The following RALYL variants were observed in gnomAD, a reference collection of about 807,000 sequenced individuals.
The protein encoded by RALYL is RALY RNA binding protein like, also known as RNA-binding Raly-like protein.
RALYL carries 29 observed loss-of-function variants against 35.1 expected under a neutral mutation model. That is an observed-to-expected ratio of 0.83 (90% CI 0.61 to 1.13). The LOEUF is 1.13. RALYL is among the 50% of genes most tolerant of loss of function. The pLI is 0.00. For missense variants in RALYL, 359 were observed against 360.4 expected (o/e 1.00, Z 0.03); for synonymous variants, 120 against 127.6 (o/e 0.94, Z 0.40).
intron 1 of RALYL, among the ~76,000 whole-genome samples, chr8:84,236,772 C>T (rs1423324037): frequency 1.3e-5 from 2 of 151,856 alleles, no homozygotes; most frequent in East Asian, 1.9e-4. Flanking sequence ...TGAAGTGACA[C>T]CTAATAAAAA....
chr8:84,223,802 T>A (rs1361860606), intron 1 of RALYL, among the ~76,000 whole-genome samples: 4 of 152,166 alleles, frequency 2.6e-5, no homozygotes, highest in African/African-American at 9.7e-5. Context: ...TATTTCTGAA[T>A]GAGTAAATGA....
At chr8:84,593,630 G>C (rs1377155466) in intron 2 of RALYL, among the ~76,000 whole-genome samples, 3 of 152,002 alleles carry the variant, frequency 2.0e-5, no homozygotes, top group Non-Finnish European at 4.4e-5. Flanking sequence ...GGCATTTGTG[G>C]TTTTAAGAGT....
chr8:84,574,455 C>T (rs1180410897), intron 2 of RALYL, among the ~76,000 whole-genome samples: 1 of 152,042 alleles, frequency 6.6e-6, no homozygotes, highest in East Asian at 1.9e-4. Context: ...TCCCTTTTCT[C>T]CAGCACTTTG....
chr8:84,908,397 C>T (rs73261921), intron 8 of RALYL, among the ~76,000 whole-genome samples: 50 of 152,216 alleles, frequency 3.3e-4, no homozygotes, highest in South Asian at 6.2e-4. Context: ...CACCATTCTA[C>T]TCTCTGCTTC....
At chr8:84,567,568 GTATA>G (rs2061871138) in intron 2 of RALYL, among the ~76,000 whole-genome samples, 2 of 151,654 alleles carry the variant, frequency 1.3e-5, no homozygotes, top group Non-Finnish European at 2.9e-5. Flanking sequence ...TCCTTGGTGT[GTATA>G]TATACCACAT....
At chr8:84,211,052 C>T (rs1819380274) in intron 1 of RALYL, among the ~76,000 whole-genome samples, 1 of 152,116 alleles carries the variant, frequency 6.6e-6, no homozygotes, top group Admixed American at 6.6e-5. Flanking sequence ...TGAATACCAA[C>T]TGTGTGCAGA....
chr8:84,793,041 T>A (rs571878513), intron 3 of RALYL, among the ~76,000 whole-genome samples: 112 of 152,296 alleles, frequency 7.4e-4, no homozygotes, highest in Middle Eastern at 3.4e-3. Flanking sequence ...TGGGAAAGAC[T>A]GACAGAAGTT....
chr8:84,603,057 T>C (rs1816314742), intron 2 of RALYL, among the ~76,000 whole-genome samples: 1 of 152,072 alleles, frequency 6.6e-6, no homozygotes, highest in African/African-American at 2.4e-5. Flanking sequence ...ATATTACCAC[T>C]GAACTGTACA....
At chr8:84,263,826 CATT>C (rs2131842710) in intron 1 of RALYL, among the ~76,000 whole-genome samples, 1 of 152,264 alleles carries the variant, frequency 6.6e-6, no homozygotes, top group East Asian at 1.9e-4. Context: ...CATGTGATCT[CATT>C]GTTCATCTCC....
At chr8:84,533,904 T>C (rs1201128221) in intron 2 of RALYL, among the ~76,000 whole-genome samples, 1 of 152,236 alleles carries the variant, frequency 6.6e-6, no homozygotes, top group Non-Finnish European at 1.5e-5. Flanking sequence ...CAAATGCTTG[T>C]AACAATTCCC....
At chr8:84,800,796 CT>C (rs909613674) in intron 3 of RALYL, among the ~76,000 whole-genome samples, 1 of 152,060 alleles carries the variant, frequency 6.6e-6, no homozygotes, top group Non-Finnish European at 1.5e-5. Flanking sequence ...CAGTTTCCTT[CT>C]TTTACTTTTT....
intron 1 of RALYL, among the ~76,000 whole-genome samples, chr8:84,427,889 C>G (rs1217044547): frequency 6.6e-6 from 1 of 152,190 alleles, no homozygotes; most frequent in Non-Finnish European, 1.5e-5. Context: ...ATACAGGTCA[C>G]TGCTTTCATC....
intron 1 of RALYL, among the ~76,000 whole-genome samples, chr8:84,255,126 C>A (rs1830974487): frequency 6.6e-6 from 1 of 152,004 alleles, no homozygotes; most frequent in African/African-American, 2.4e-5. Context: ...TGTGCTTAAA[C>A]TGAAAGTCTT....
intron 2 of RALYL, among the ~76,000 whole-genome samples, chr8:84,670,505 AC>A (rs1832997432): frequency 6.6e-6 from 1 of 152,230 alleles, no homozygotes; most frequent in Admixed American, 6.5e-5. Context: ...ATGAAGAAAT[AC>A]CCAAGGCTGT....
intron 1 of RALYL, among the ~76,000 whole-genome samples, chr8:84,480,992 G>A (rs2053982242): frequency 6.6e-6 from 1 of 151,946 alleles, no homozygotes; most frequent in Non-Finnish European, 1.5e-5. Context: ...AGTATTATCT[G>A]GGCTTACAGA....
intron 2 of RALYL, among the ~76,000 whole-genome samples, chr8:84,741,766 T>TA (rs1193103631): frequency 2.0e-5 from 3 of 151,996 alleles, no homozygotes; most frequent in Admixed American, 2.0e-4. Flanking sequence ...AGAAAAAGAA[T>TA]TTGCTCCAGA....
At chr8:84,796,700 G>A (rs1821994975) in intron 3 of RALYL, among the ~76,000 whole-genome samples, 1 of 152,122 alleles carries the variant, frequency 6.6e-6, no homozygotes, top group Non-Finnish European at 1.5e-5. Context: ...AGTTAAGGAT[G>A]AGATATAAAC....
chr8:84,507,120 C>T (rs1296294771), intron 1 of RALYL, among the ~76,000 whole-genome samples: 1 of 152,008 alleles, frequency 6.6e-6, no homozygotes, highest in African/African-American at 2.4e-5. Flanking sequence ...CTACTCTGCA[C>T]TTTTCCTGCC....
intron 2 of RALYL, among the ~76,000 whole-genome samples, chr8:84,557,777 A>G (rs1295164968): frequency 6.6e-6 from 1 of 152,154 alleles, no homozygotes; most frequent in Non-Finnish European, 1.5e-5. Flanking sequence ...TGAGAAAAAA[A>G]AAACAAATGC....
Sources: gnomAD v4.1 joint callset for allele counts (sites outside exome capture counted in the v4.1 genomes callset) on GRCh38, gnomAD v4.1.1 for gene constraint, MANE v1.5 for transcripts, NCBI Gene and HGNC (gene_info 2026-07-23, HGNC 2026-07-21) for gene names.